The following PRIMA1 variants were observed in gnomAD, a reference collection of about 807,000 sequenced individuals.
PRIMA1 encodes proline rich membrane anchor 1.
A neutral mutation model predicts 17.5 loss-of-function variants in PRIMA1; 7 were observed. The observed-to-expected ratio is 0.40, with a 90% confidence interval of 0.23 to 0.75. PRIMA1 has a LOEUF of 0.75. Ranked by LOEUF, PRIMA1 falls within the 30% of genes least tolerant of loss-of-function variation. The probability of loss-of-function intolerance (pLI) is 0.37; values close to 1 mark genes in which losing one functional copy is unlikely to be tolerated. For missense variants in PRIMA1, 200 were observed against 201.8 expected, an observed-to-expected ratio of 0.99 and a Z score of 0.05; for synonymous variants, 97 against 77.9, an observed-to-expected ratio of 1.25 and a Z score of -1.29.
chr14:93,738,192 C>G, intron 3 of PRIMA1, among the ~76,000 whole-genome samples: 1 of 152,266 alleles, frequency 6.6e-6, no homozygotes, highest in East Asian at 1.9e-4. Context: ...TCACTCAATC[C>G]GTGGAGTCCT....
intron 3 of PRIMA1, among the ~76,000 whole-genome samples, chr14:93,773,741 T>C (rs778851799): frequency 2.4e-4 from 36 of 152,144 alleles, no homozygotes; most frequent in Admixed American, 7.2e-4. Flanking sequence ...CACAGAGGAA[T>C]AGGAGGCCAA....
At chr14:93,743,792 G>A (rs1254513469) in intron 3 of PRIMA1, among the ~76,000 whole-genome samples, 3 of 152,234 alleles carry the variant, frequency 2.0e-5, no homozygotes, top group African/African-American at 7.2e-5. Context: ...TCCTCAGCGT[G>A]TGCAGGGGTC....
At chr14:93,770,247 C>G (rs1885019406) in intron 3 of PRIMA1, among the ~76,000 whole-genome samples, 1 of 152,232 alleles carries the variant, frequency 6.6e-6, no homozygotes, top group South Asian at 2.1e-4. Context: ...CCCCTTCCTT[C>G]CACTCTCCAG....
At chr14:93,727,262 C>T (rs1211780778) in intron 4 of PRIMA1, among the ~76,000 whole-genome samples, 2 of 152,160 alleles carry the variant, frequency 1.3e-5, no homozygotes, top group African/African-American at 2.4e-5. Context: ...AGCTGTGGGC[C>T]GAGGGGAGCA....
At chr14:93,769,356 C>T (rs1219273310) in intron 3 of PRIMA1, among the ~76,000 whole-genome samples, 2 of 152,224 alleles carry the variant, frequency 1.3e-5, no homozygotes, top group Non-Finnish European at 2.9e-5. Context: ...CAGCACACAT[C>T]TGGAAAGAGC....
At position 93,770,056 on chromosome 14, in the gene PRIMA1, C is replaced by G. The variant is rs1412405937; in HGVS notation, c.229+9120G>C. Reference sequence around the variant, plus strand: ...CAGCATTCTTGCTTCCGCTCTCCCCCTACAGCCACAGCCATCACTGAGTGA... The same window carrying G: ...CAGCATTCTTGCTTCCGCTCTCCCCGTACAGCCACAGCCATCACTGAGTGA... On this transcript the variant is annotated intron_variant, in intron 3 of 4. Transcript: ENST00000393140. Among the ~76,000 whole-genome samples, 5 of 152,216 alleles carry G rather than the reference C, an allele frequency of 3.3e-5. 1 individual carries two copies. Among genetic ancestry groups the G allele is most frequent in the Admixed American group, 1.3e-4 (2 of 15,286 alleles).
chr14:93,721,354 G>A lies in PRIMA1; in HGVS notation c.*90C>T. On this transcript the variant is annotated 3_prime_UTR_variant, in exon 5 of 5. Coordinates refer to ENST00000393140, the MANE Select transcript of PRIMA1 (RefSeq NM_178013.4). ...TGTGAGGCAATGAAGTCCTGGACAAGCTCAGGGTTAGCTCATGTCCACCTG... is the reference window on the plus strand; with the variant it reads ...TGTGAGGCAATGAAGTCCTGGACAAACTCAGGGTTAGCTCATGTCCACCTG... 1 of 798,848 alleles carries A rather than the reference G, an allele frequency of 1.3e-6. No homozygotes were observed. The highest frequency in any genetic ancestry group is 2.1e-6 in the Non-Finnish European group (1 of 474,238). 49.5% of individuals were successfully genotyped at this position (798,848 alleles called of 1,614,324 possible).
intron 3 of PRIMA1, among the ~76,000 whole-genome samples, chr14:93,775,336 C>T (rs1885181247): frequency 1.3e-5 from 2 of 152,240 alleles, no homozygotes; most frequent in Non-Finnish European, 1.5e-5. Context: ...ACTGCTGGTT[C>T]CCGGGCCCTG....
intron 3 of PRIMA1, among the ~76,000 whole-genome samples, chr14:93,766,180 T>C (rs947591478): frequency 2.0e-5 from 3 of 152,178 alleles, no homozygotes; most frequent in Non-Finnish European, 2.9e-5. Context: ...AGCAAACCAA[T>C]GCCTCCTCAT....
intron 3 of PRIMA1, among the ~76,000 whole-genome samples, chr14:93,775,471 T>G (rs917349537): frequency 1.3e-5 from 2 of 151,110 alleles, no homozygotes; most frequent in African/African-American, 2.4e-5. Context: ...CAGGCACTTG[T>G]TTTTTTTGTT....
intron 3 of PRIMA1, among the ~76,000 whole-genome samples, chr14:93,759,446 C>T (rs1182210781): frequency 6.6e-6 from 1 of 151,710 alleles, no homozygotes; most frequent in African/African-American, 2.4e-5. Flanking sequence ...GGAAGGAGAG[C>T]GAAGGGCGGG....
At chr14:93,743,894 C>T (rs181137149) in intron 3 of PRIMA1, among the ~76,000 whole-genome samples, 46 of 152,320 alleles carry the variant, frequency 3.0e-4, no homozygotes, top group African/African-American at 3.8e-4. Flanking sequence ...GGACTCGGTG[C>T]GCGCTGAAAG....
At chr14:93,758,607 A>AAAAAAG (rs1243872431) in intron 3 of PRIMA1, among the ~76,000 whole-genome samples, 13 of 150,434 alleles carry the variant, frequency 8.6e-5, no homozygotes, top group South Asian at 4.2e-4. Flanking sequence ...AAAAAAAAAA[A>AAAAAAG]AAAAAGAAAA....
At chr14:93,742,378 C>A (rs2076189646) in intron 3 of PRIMA1, among the ~76,000 whole-genome samples, 1 of 152,116 alleles carries the variant, frequency 6.6e-6, no homozygotes, top group Non-Finnish European at 1.5e-5. Context: ...AGGTCTCTCC[C>A]CAGGGGAACT....
chr14:93,773,237 C>T (rs1885118715), intron 3 of PRIMA1, among the ~76,000 whole-genome samples: 1 of 152,246 alleles, frequency 6.6e-6, no homozygotes, highest in Non-Finnish European at 1.5e-5. Context: ...GACAATTCCT[C>T]TGCAGGTAGG....
intron 2 of PRIMA1, among the ~76,000 whole-genome samples, chr14:93,782,043 G>A (rs920278542): frequency 1.3e-4 from 20 of 152,068 alleles, no homozygotes; most frequent in African/African-American, 3.1e-4. Context: ...CAAGGCAGGC[G>A]GATCACGAGG....
At chr14:93,749,212 G>A (rs917947163) in intron 3 of PRIMA1, among the ~76,000 whole-genome samples, 1 of 152,138 alleles carries the variant, frequency 6.6e-6, no homozygotes, top group Non-Finnish European at 1.5e-5. Context: ...TGCGCAGAAG[G>A]TCCGCATACT....
chr14:93,775,033 T>C (rs981728975), intron 3 of PRIMA1, among the ~76,000 whole-genome samples: 18 of 152,240 alleles, frequency 1.2e-4, no homozygotes, highest in African/African-American at 4.3e-4. Context: ...TTTCATGACC[T>C]GGGCCCTGCT....
chr14:93,779,414 G>C (rs1885318186), intron 2 of PRIMA1, 103 bp from the exon 3 acceptor site: 2 of 998,280 alleles, frequency 2.0e-6, no homozygotes, highest in East Asian at 2.8e-5. Context: ...GCTGGGACTT[G>C]GGATTCCTTT....
Sources: gnomAD v4.1 joint callset for allele counts (sites outside exome capture counted in the v4.1 genomes callset) on GRCh38, gnomAD v4.1.1 for gene constraint, MANE v1.5 for transcripts, NCBI Gene and HGNC (gene_info 2026-07-23, HGNC 2026-07-21) for gene names.